Variants in ADGRF5 observed in about 807,000 individuals in gnomAD.
ADGRF5 encodes adhesion G protein-coupled receptor F5.
ADGRF5 carries 75 observed loss-of-function variants against 132.3 expected under a neutral mutation model. The ratio of observed to expected loss-of-function variants is 0.57; its 90% confidence interval spans 0.47 to 0.69. The LOEUF is 0.69. ADGRF5 is among the 30% of genes least tolerant of loss of function. The pLI, the probability that ADGRF5 is intolerant of heterozygous loss-of-function variation, is 0.00. For synonymous variants in ADGRF5, 629 were observed against 597.6 expected (o/e 1.05, Z -0.77); for missense variants, 1,516 against 1,630.6 (o/e 0.93, Z 1.21).
chr6:46,925,649 C>A (rs2150930607), upstream of ADGRF5, among the ~76,000 whole-genome samples: 1 of 152,294 alleles, frequency 6.6e-6, no homozygotes, highest in East Asian at 1.9e-4. Flanking sequence ...CCCAGCTACT[C>A]AGGAGGCTGA....
At chr6:46,893,592 C>T (rs917676006) in intron 3 of ADGRF5, among the ~76,000 whole-genome samples, 5 of 152,196 alleles carry the variant, frequency 3.3e-5, no homozygotes, top group Admixed American at 6.5e-5. Context: ...CTCCAGACTA[C>T]CAGGGACCAG....
chr6:46,906,842 A>T (rs1775428027), intron 1 of ADGRF5, 56 bp from the exon 2 acceptor site: 1 of 815,086 alleles, frequency 1.2e-6, no homozygotes, highest in Non-Finnish European at 2.2e-6. Flanking sequence ...TAAACAAGGA[A>T]AAAGAACTCG....
rs1408461844 is a variant in ADGRF5 at position 46,953,649 on chromosome 6, G to GTATA, written c.-25+1084_-25+1085insTATA. Among the ~76,000 whole-genome samples, 276 of 91,446 alleles carry GTATA rather than the reference G, an allele frequency of 3.0e-3. 10 individuals carry two copies. Among genetic ancestry groups the GTATA allele is most frequent in the African/African-American group, 0.01 (218 of 21,782 alleles). 60.0% of individuals were successfully genotyped at this position (91,446 alleles called of 152,430 possible). ...AAAAATTATATATATATAGATATATGTGTATATATATATATATATATATAT... is the reference window on the plus strand; with the variant it reads ...AAAAATTATATATATATAGATATATGTATATGTATATATATATATATATATATAT... On this transcript the variant is annotated intron_variant, in intron 1 of 20. Transcript: ENST00000265417.
chr6:46,877,329 CTTTCTTTCTTTCTTTCT>C (rs1562175573), intron 10 of ADGRF5, among the ~76,000 whole-genome samples: 1,796 of 41,772 alleles, frequency 0.043, 88 homozygotes, highest in South Asian at 0.076. Context: ...TTCCTTCTTT[CTTTCTTTCTTTCTTTCT>C]TTCTTTCTTT....
intron 6 of ADGRF5, 87 bp downstream of exon 6, chr6:46,883,472 A>T: frequency 4.3e-6 from 3 of 700,848 alleles, no homozygotes; most frequent in Middle Eastern, 4.7e-4. Context: ...ATTCTGACAG[A>T]TCCAAGCCAT....
chr6:46,888,216 T>C (rs1454181492), intron 4 of ADGRF5, 119 bp downstream of exon 4: 2 of 696,134 alleles, frequency 2.9e-6, no homozygotes, highest in Non-Finnish European at 5.0e-6. Flanking sequence ...CACACATCCG[T>C]CTCGGTGAGT....
intron 6 of ADGRF5, among the ~76,000 whole-genome samples, chr6:46,882,698 A>T (rs2150840147): frequency 6.6e-6 from 1 of 152,338 alleles, no homozygotes; most frequent in East Asian, 1.9e-4. Context: ...TTCAAAGCAT[A>T]TAATTTAGTG....
chr6:46,915,719 A>AG (rs1056349372), intron 1 of ADGRF5, among the ~76,000 whole-genome samples: 63 of 152,006 alleles, frequency 4.1e-4, no homozygotes, highest in Middle Eastern at 3.4e-3. Flanking sequence ...GAAAAAAAAA[A>AG]TATTACTTTA....
At chr6:46,938,217 C>A (rs942035171) in intron 1 of ADGRF5, among the ~76,000 whole-genome samples, 11 of 152,310 alleles carry the variant, frequency 7.2e-5, no homozygotes, top group Admixed American at 5.2e-4. Flanking sequence ...GAATAACATT[C>A]CAGGTGCCTT....
At chr6:46,952,815 A>G (rs557649895) in intron 1 of ADGRF5, among the ~76,000 whole-genome samples, 1 of 152,326 alleles carries the variant, frequency 6.6e-6, no homozygotes, top group South Asian at 2.1e-4. Flanking sequence ...GTCAAAATAA[A>G]TATAGCAACT....
In ADGRF5 at chr6:46,891,409, C is replaced by A. The variant is rs78180156; in HGVS notation, c.158-2904G>T. On this transcript the variant is annotated intron_variant, in intron 3 of 20. Coordinates refer to ENST00000283296, the MANE Select transcript of ADGRF5 (RefSeq NM_001098518.2). ...TACAAGTTCTGCCTTAGCGCACATTCTTTTTCCTGAAAAGTAATGCAGCAA... is the reference window on the plus strand; with the variant it reads ...TACAAGTTCTGCCTTAGCGCACATTATTTTTCCTGAAAAGTAATGCAGCAA... 3.8e-3 allele frequency among the ~76,000 whole-genome samples: 572 copies of A among 152,318 alleles called. 21 individuals carry two copies. The East Asian group carries it at 0.082, about 22-fold the overall frequency.
chr6:46,856,910 T>G lies in ADGRF5; in HGVS notation c.3775-2A>C. On this transcript the variant is annotated splice_acceptor_variant, in intron 17 of 20. Transcript: ENST00000283296. LOFTEE classifies it high-confidence loss of function. ...TCCAAAGAGTAAAATGAATAATCCC[T>G]GAGAAAAAAAAGATTGAAAAGAAGT... is the stretch of plus-strand genomic sequence containing the variant. The G allele has an allele frequency of 6.2e-7, 1 of 1,603,056 alleles. No homozygotes were observed. The highest frequency in any genetic ancestry group is 8.5e-7 in the Non-Finnish European group (1 of 1,172,024).
intron 1 of ADGRF5, among the ~76,000 whole-genome samples, chr6:46,946,784 G>T (rs2021916): frequency 0.17 from 25,649 of 152,120 alleles, 2,301 homozygotes; most frequent in African/African-American, 0.21. Flanking sequence ...CTCCAAGAAG[G>T]CACAGCCGTT....
Position 46,858,524 on chromosome 6 carries a change from G to T in ADGRF5, c.3379C>A (p.Gln1127Lys). ...FILHETSRST[Q>K]KAIAFCLGYG... Reference sequence around the variant, plus strand: ...CCAAGACAGAAGGCAATGGCTTTCTGAGTGGACCTGCTTGTTTCATGCAGA... The same window carrying T: ...CCAAGACAGAAGGCAATGGCTTTCTTAGTGGACCTGCTTGTTTCATGCAGA... Residue 1127 changes from glutamine to lysine, a missense_variant, in exon 17 of 21, where the codon CAG (glutamine) becomes AAG (lysine). By Grantham distance (53) the Gln-to-Lys change is moderately conservative. Around this residue, in one of 2 missense-constraint regions of ADGRF5, gnomAD observed 571 missense variants for 701.2 expected, o/e 0.81. Coordinates refer to ENST00000283296, the MANE Select transcript of ADGRF5 (RefSeq NM_001098518.2). The T allele has an allele frequency of 6.2e-7, 1 of 1,613,934 alleles. No homozygotes were observed. The highest frequency in any genetic ancestry group is 2.2e-5 in the East Asian group (1 of 44,874).
chr6:46,904,837 G>T (rs2150892335), intron 2 of ADGRF5, among the ~76,000 whole-genome samples: 1 of 152,312 alleles, frequency 6.6e-6, no homozygotes, highest in African/African-American at 2.4e-5. Context: ...GCAGGCTCAA[G>T]TGCACTTTTC....
intron 14 of ADGRF5, among the ~76,000 whole-genome samples, chr6:46,864,654 A>T (rs1040495260): frequency 2.0e-5 from 3 of 151,766 alleles, no homozygotes; most frequent in African/African-American, 7.3e-5. Context: ...CCTCCCGAGC[A>T]GCTGGGACCG....
rs1291926172 is a variant in ADGRF5, at chr6:46,860,880, G to T, written c.2214C>A (p.Ser738Arg). ...LLQMAKALIKSPSQDEMLPTY... is the reference protein window; with the variant it reads ...LLQMAKALIKRPSQDEMLPTY... ...TAGGGAGCATCTCATCCTGAGAGGG[G>T]CTCTTGATCAAAGCCTAGTAAAACA... is the stretch of plus-strand genomic sequence containing the variant. The change falls in exon 16 of 21, where the codon AGC (serine) becomes AGA (arginine). Residue 738 changes from serine (S) to arginine (R), a missense_variant. Around this residue, in one of 2 missense-constraint regions of ADGRF5, gnomAD observed 945 missense variants for 929.4 expected, o/e 1.02. Coordinates refer to ENST00000283296, the MANE Select transcript of ADGRF5 (RefSeq NM_001098518.2). 6.2e-7 allele frequency: 1 copy of T among 1,604,838 alleles called. No individual in the cohort carries two copies. Among genetic ancestry groups the T allele is most frequent in the Non-Finnish European group, 8.5e-7 (1 of 1,174,670 alleles).
At chr6:46,931,595 G>A (rs979772217) in intron 1 of ADGRF5, among the ~76,000 whole-genome samples, 3 of 152,122 alleles carry the variant, frequency 2.0e-5, no homozygotes, top group Non-Finnish European at 2.9e-5. Context: ...CCCTCCTCTC[G>A]GTCTCCTTAA....
intron 4 of ADGRF5, among the ~76,000 whole-genome samples, chr6:46,887,199 T>G (rs1403226621): frequency 8.5e-5 from 13 of 152,218 alleles, no homozygotes; most frequent in Non-Finnish European, 1.5e-5. Flanking sequence ...TGGATTCACT[T>G]ACTAGCACCT....
Sources: allele counts gnomAD v4.1 joint callset (sites outside exome capture counted in the v4.1 genomes callset), GRCh38; gene constraint gnomAD v4.1.1; regional missense constraint gnomAD v4.1.1; transcripts MANE v1.5; gene names NCBI Gene and HGNC (gene_info 2026-07-23, HGNC 2026-07-21).